SDK1: variants seen among roughly 807,000 people sequenced by gnomAD.
SDK1 encodes the protein protein sidekick-1.
Under a neutral mutation model 245.5 loss-of-function variants are expected in SDK1, and 157 were observed. That is an observed-to-expected ratio of 0.64 (90% confidence interval 0.56 to 0.73). SDK1 has a LOEUF of 0.73. SDK1 is among the 30% of genes least tolerant of loss of function. SDK1 has a pLI of 0.00. For synonymous variants in SDK1, 1,647 were observed against 1,278.5 expected, an observed-to-expected ratio of 1.29 and a Z score of -6.15; for missense variants, 3,583 against 3,002.3, an observed-to-expected ratio of 1.19 and a Z score of -4.52.
intron 22 of SDK1, among the ~76,000 whole-genome samples, chr7:4,084,773 A>T (rs1781327968): frequency 6.7e-6 from 1 of 149,772 alleles, no homozygotes; most frequent in African/African-American, 2.5e-5. Flanking sequence ...TATTTTATTT[A>T]TTTATTTATT....
At chr7:3,450,826 G>C (rs927192091) in intron 1 of SDK1, among the ~76,000 whole-genome samples, 8 of 152,036 alleles carry the variant, frequency 5.3e-5, no homozygotes, top group South Asian at 2.1e-4. Context: ...GAGGGATGAA[G>C]ATGGAGACAT....
chr7:4,167,202 C>T (rs182922266), intron 32 of SDK1, among the ~76,000 whole-genome samples: 26 of 152,234 alleles, frequency 1.7e-4, no homozygotes, highest in African/African-American at 6.0e-4. Context: ...CCATCGTGGC[C>T]AACATGGTGA....
chr7:3,442,188 T>C (rs73293149), intron 1 of SDK1, among the ~76,000 whole-genome samples: 3,518 of 152,308 alleles, frequency 0.023, 139 homozygotes, highest in African/African-American at 0.081. Context: ...ATTCTAGTTA[T>C]GAAGGAAAGA....
chr7:4,138,793 G>A (rs1353315622), intron 28 of SDK1, among the ~76,000 whole-genome samples: 1 of 151,206 alleles, frequency 6.6e-6, no homozygotes, highest in Non-Finnish European at 1.5e-5. Context: ...AAGGAGGGAA[G>A]GAAAAGAAAA....
At chr7:3,507,061 A>G (rs749443476) in intron 1 of SDK1, among the ~76,000 whole-genome samples, 2 of 152,056 alleles carry the variant, frequency 1.3e-5, no homozygotes, top group Non-Finnish European at 2.9e-5. Flanking sequence ...TTGGTGGGTG[A>G]ACTGTGTATT....
At chr7:3,627,929 CAGCCA>C (rs1782170595) in intron 2 of SDK1, among the ~76,000 whole-genome samples, 1 of 152,174 alleles carries the variant, frequency 6.6e-6, no homozygotes, top group Non-Finnish European at 1.5e-5. Context: ...TCTTTCCCAT[CAGCCA>C]AGCCATTTGT....
chr7:3,562,210 C>G (rs969598559), intron 1 of SDK1, among the ~76,000 whole-genome samples: 1 of 152,204 alleles, frequency 6.6e-6, no homozygotes, highest in African/African-American at 2.4e-5. Context: ...CTCTTATCTC[C>G]AAGGATTCCA....
intron 5 of SDK1, among the ~76,000 whole-genome samples, chr7:3,941,353 C>A (rs1000258858): frequency 2.0e-5 from 3 of 152,082 alleles, no homozygotes; most frequent in African/African-American, 7.2e-5. Flanking sequence ...CATGGCTTTC[C>A]TCCTTGACGC....
intron 32 of SDK1, among the ~76,000 whole-genome samples, chr7:4,162,924 G>A (rs1399252052): frequency 6.6e-6 from 1 of 152,204 alleles, no homozygotes; most frequent in African/African-American, 2.4e-5. Flanking sequence ...AGGGCTGCAG[G>A]CCCCAGGGAG....
chr7:3,563,444 GTAACT>G (rs1254909594), intron 1 of SDK1, among the ~76,000 whole-genome samples: 1 of 152,098 alleles, frequency 6.6e-6, no homozygotes, highest in East Asian at 1.9e-4. Flanking sequence ...GAAAGCAGTG[GTAACT>G]TAAATATATT....
In SDK1 at chr7:3,791,700, G is replaced by A. The variant is rs370578222; in HGVS notation, c.714-29750G>A. 2.6e-5 allele frequency among the ~76,000 whole-genome samples: 4 copies of A among 152,290 alleles called. No homozygotes were observed. In the East Asian group the frequency reaches 5.8e-4, roughly 22 times the overall value. Reference sequence around the variant, plus strand: ...GGAATCCAATTTCCTGTCTCTGAAAGGAGAATCAGTTTGTGAAATTGACCT... The same window carrying A: ...GGAATCCAATTTCCTGTCTCTGAAAAGAGAATCAGTTTGTGAAATTGACCT... On this transcript the variant is annotated intron_variant, in intron 4 of 44. Transcript: ENST00000404826.
chr7:3,515,682 G>C lies in SDK1; in HGVS notation c.299-103398G>C, dbSNP rs755882201. 3.3e-5 allele frequency among the ~76,000 whole-genome samples: 5 copies of C among 152,244 alleles called. No individual in the cohort carries two copies. The Middle Eastern group carries it at 0.014, about 414-fold the overall frequency. On this transcript the variant is annotated intron_variant, in intron 1 of 44. Transcript: ENST00000404826. ...GGAAGTCATTTCAGAATCATATAAGGAGGTTAGCCAAAGAGAAATGTTGAT... is the reference window on the plus strand; with the variant it reads ...GGAAGTCATTTCAGAATCATATAAGCAGGTTAGCCAAAGAGAAATGTTGAT...
At chr7:3,958,288 T>C (rs548160882) in intron 7 of SDK1, 2 of 285,324 alleles carry the variant, frequency 7.0e-6, no homozygotes, top group South Asian at 6.0e-5. Context: ...AATGTTGCAA[T>C]TGGCTCTCCA....
At chr7:4,010,084 A>C (rs1272078397) in intron 14 of SDK1, among the ~76,000 whole-genome samples, 1 of 152,220 alleles carries the variant, frequency 6.6e-6, no homozygotes, top group African/African-American at 2.4e-5. Flanking sequence ...ACTTCAGGTC[A>C]GCGAGACAGC....
intron 2 of SDK1, among the ~76,000 whole-genome samples, chr7:3,624,343 G>C (rs1489482316): frequency 6.6e-6 from 1 of 152,062 alleles, no homozygotes; most frequent in Non-Finnish European, 1.5e-5. Context: ...GGGACCATGG[G>C]ACCCACCAGC....
chr7:3,616,415 C>G (rs1017514063), intron 1 of SDK1, among the ~76,000 whole-genome samples: 2 of 152,228 alleles, frequency 1.3e-5, no homozygotes, highest in African/African-American at 4.8e-5. Flanking sequence ...CTTCCAGTCA[C>G]TCTCTTTGCA....
intron 1 of SDK1, among the ~76,000 whole-genome samples, chr7:3,499,888 G>A (rs4719964): frequency 0.22 from 33,115 of 152,170 alleles, 4,029 homozygotes; most frequent in South Asian, 0.37. Flanking sequence ...AAGTATGTTT[G>A]TAAGTTCACT....
At chr7:3,608,345 C>G (rs1583221715) in intron 1 of SDK1, among the ~76,000 whole-genome samples, 1 of 152,100 alleles carries the variant, frequency 6.6e-6, no homozygotes, top group South Asian at 2.1e-4. Context: ...GAACTGGCTG[C>G]TTTTTTGCAT....
Position 3,319,878 on chromosome 7 carries a change from C to CTTTTTTTTTTTTTTTTTTTT in SDK1, c.298+18011_298+18012insTTTTTTTTTTTTTTTTTTTT, listed in dbSNP as rs57770805. Among the ~76,000 whole-genome samples, 136 of 88,074 alleles carry CTTTTTTTTTTTTTTTTTTTT rather than the reference C, an allele frequency of 1.5e-3. 13 individuals are homozygous for CTTTTTTTTTTTTTTTTTTTT. The highest frequency in any genetic ancestry group is 5.0e-3 in the African/African-American group (109 of 21,698). The allele number at this position is 88,074 out of a possible 152,430, so 57.8% of individuals were successfully genotyped here. A position where few individuals can be genotyped will look rare whatever the true frequency, so the allele number is the denominator to read the frequency against. ...TGCCTATATCTAACCCATTCTTAGT[C>CTTTTTTTTTTTTTTTTTTTT]TTTTTTTTTTTTTTTTTGCATTTGC... On this transcript the variant is annotated intron_variant, in intron 1 of 44. Transcript: ENST00000404826.
Sources: gnomAD v4.1 joint callset for allele counts (sites outside exome capture counted in the v4.1 genomes callset) on GRCh38, gnomAD v4.1.1 for gene constraint, MANE v1.5 for transcripts, NCBI Gene and HGNC (gene_info 2026-07-23, HGNC 2026-07-21) for gene names.